CFTR: variants seen among roughly 807,000 people sequenced by gnomAD.
CFTR encodes CF transmembrane conductance regulator.
A neutral mutation model predicts 171.6 loss-of-function variants in CFTR; 181 were observed. The ratio of observed to expected loss-of-function variants is 1.05; its 90% CI spans 0.93 to 1.19. CFTR has a LOEUF of 1.19. Ranked by LOEUF, CFTR falls within the 50% of genes most tolerant of loss-of-function variation. The pLI is 0.00. For missense variants in CFTR, 1,968 were observed against 1,734.7 expected, an observed-to-expected ratio of 1.13 and a Z score of -2.39; for synonymous variants, 583 against 608.0, an observed-to-expected ratio of 0.96 and a Z score of 0.60.
At chr7:117,595,115 G>T in intron 15 of CFTR, 57 bp downstream of exon 15, 3 of 1,447,994 alleles carry the variant, frequency 2.1e-6, no homozygotes, top group Non-Finnish European at 2.9e-6. Context: ...AAGATAGTTT[G>T]GGGATGTATA....
rs546477833 is a variant in CFTR at position 117,532,674 on chromosome 7, G to A, written c.489+1560G>A. ...TATGTAACATTTAGCACAAATACAG[G>A]ATATAGGTGCTTTCAGACCCAGCTG... On this transcript the variant is annotated intron_variant, in intron 4 of 26. Transcript: ENST00000003084. Among the ~76,000 whole-genome samples the A allele has an allele frequency of 1.6e-3, 240 of 152,218 alleles. 2 individuals carry two copies. Among genetic ancestry groups the A allele is most frequent in the African/African-American group, 5.6e-3 (234 of 41,538 alleles).
In CFTR at chr7:117,511,023, A is replaced by C. The variant is rs1584777223; in HGVS notation, c.273+1881A>C. On this transcript the variant is annotated intron_variant, in intron 3 of 26. Coordinates refer to ENST00000003084, the MANE Select transcript of CFTR (RefSeq NM_000492.4). Reference sequence around the variant, plus strand: ...CTCCAAAGCCTTTGACCCTTTCACCATACCAGATTATGATTGCTATTAATA... The same window carrying C: ...CTCCAAAGCCTTTGACCCTTTCACCCTACCAGATTATGATTGCTATTAATA... Among the ~76,000 whole-genome samples the C allele has an allele frequency of 3.3e-5, 5 of 152,224 alleles. No homozygotes were observed. The East Asian group carries it at 9.7e-4, about 29-fold the overall frequency.
At chr7:117,512,292 A>G (rs972280081) in intron 3 of CFTR, among the ~76,000 whole-genome samples, 1 of 152,142 alleles carries the variant, frequency 6.6e-6, no homozygotes, top group African/African-American at 2.4e-5. Context: ...TCTTCATCTG[A>G]CTCAGCAGCC....
At chr7:117,577,664 G>T (rs1452282966) in intron 11 of CFTR, among the ~76,000 whole-genome samples, 1 of 151,988 alleles carries the variant, frequency 6.6e-6, no homozygotes, top group Non-Finnish European at 1.5e-5. Context: ...CATCTAACAA[G>T]AACTTACCAC....
At chr7:117,526,229 C>T (rs1189830259) in intron 3 of CFTR, among the ~76,000 whole-genome samples, 1 of 151,066 alleles carries the variant, frequency 6.6e-6, no homozygotes, top group African/African-American at 2.4e-5. Context: ...CGCTCAACTA[C>T]ATGGAAACTG....
At chr7:117,621,034 G>A (rs34470402) in intron 21 of CFTR, among the ~76,000 whole-genome samples, 7,160 of 152,182 alleles carry the variant, frequency 0.047, 566 homozygotes, top group African/African-American at 0.16. Flanking sequence ...CCCGGGAGAT[G>A]GAGGTTGCAG....
chr7:117,526,130 C>T (rs1798776020), intron 3 of CFTR, among the ~76,000 whole-genome samples: 1 of 151,830 alleles, frequency 6.6e-6, no homozygotes, highest in Non-Finnish European at 1.5e-5. Flanking sequence ...TTTATTTCTC[C>T]TTCACTTATG....
At chr7:117,574,791 A>G (rs1791747755) in intron 11 of CFTR, among the ~76,000 whole-genome samples, 1 of 152,110 alleles carries the variant, frequency 6.6e-6, no homozygotes, top group East Asian at 1.9e-4. Context: ...ATAGTTATCT[A>G]TGAACAATAT....
In CFTR at chr7:117,603,801, G is replaced by T; in HGVS notation, c.2908+19G>T. Reference sequence around the variant, plus strand: ...AAAGCAGGTACTTTACTAGGTCTAAGAAATGAAACTGCTGATCCACCATCA... The same window carrying T: ...AAAGCAGGTACTTTACTAGGTCTAATAAATGAAACTGCTGATCCACCATCA... On this transcript the variant is annotated intron_variant, in intron 17 of 26. Coordinates refer to ENST00000003084, the MANE Select transcript of CFTR (RefSeq NM_000492.4). 1.2e-6 allele frequency: 2 copies of T among 1,612,554 alleles called. No homozygotes were observed. The highest frequency in any genetic ancestry group is 1.7e-6 in the Non-Finnish European group (2 of 1,179,750).
At chr7:117,594,002 T>C (rs915114524) in intron 14 of CFTR, among the ~76,000 whole-genome samples, 2 of 152,236 alleles carry the variant, frequency 1.3e-5, no homozygotes, top group African/African-American at 2.4e-5. Flanking sequence ...TGACTAATAA[T>C]AGTTTCTATT....
At chr7:117,544,116 G>A (rs992220627) in intron 9 of CFTR, among the ~76,000 whole-genome samples, 2 of 151,818 alleles carry the variant, frequency 1.3e-5, no homozygotes, top group Admixed American at 6.6e-5. Context: ...CTGCTTATTC[G>A]AAGAACAATA....
At chr7:117,589,542 G>A (rs1171895695) in intron 12 of CFTR, among the ~76,000 whole-genome samples, 1 of 151,862 alleles carries the variant, frequency 6.6e-6, no homozygotes, top group African/African-American at 2.4e-5. Flanking sequence ...TATTAATATG[G>A]GAACTGTGTC....
At chr7:117,635,959 ACTTT>A (rs778743600) in intron 22 of CFTR, among the ~76,000 whole-genome samples, 5 of 152,114 alleles carry the variant, frequency 3.3e-5, no homozygotes, top group Non-Finnish European at 5.9e-5. Context: ...TCTCTAATAC[ACTTT>A]CTTTCTTTAT....
intron 15 of CFTR, among the ~76,000 whole-genome samples, chr7:117,601,401 A>G (rs1264086449): frequency 2.6e-5 from 4 of 152,136 alleles, no homozygotes; most frequent in East Asian, 1.9e-4. Flanking sequence ...GAAAAATGCC[A>G]TTAGATTTTT....
Position 117,540,228 on chromosome 7 carries a change from T to A in CFTR, c.998T>A (p.Leu333His). The change falls in exon 8 of 27, where the codon CTC becomes CAC. Residue 333 changes from leucine (L) to histidine (H), a missense_variant. By Grantham distance (99) the Leu-to-His change is moderately conservative (BLOSUM62 -3). Transcript: ENST00000003084. The part of the protein sequence containing the change: ...LPYALIKGII[L>H]RKIFTTISFC... ...TATGCACTAATCAAAGGAATCATCC[T>A]CCGGAAAATATTCACCACCATCTCA... 1 of 1,614,148 alleles carries A rather than the reference T, an allele frequency of 6.2e-7. No individual in the cohort carries two copies.
chr7:117,592,254 A>G lies in CFTR; in HGVS notation c.2087A>G (p.Lys696Arg), dbSNP rs397508340. 6.2e-7 allele frequency: 1 copy of G among 1,613,924 alleles called. No individual in the cohort carries two copies. Among genetic ancestry groups the G allele is most frequent in the Non-Finnish European group, 8.5e-7 (1 of 1,180,018 alleles). The change falls in exon 14 of 27, where the codon AAA (lysine) becomes AGA (arginine). Residue 696 changes from lysine (K) to arginine (R), a missense_variant. Transcript: ENST00000003084. ...SFKQTGEFGE[K>R]RKNSILNPIN... ...AAACAGACTGGAGAGTTTGGGGAAA[A>G]AAGGAAGAATTCTATTCTCAATCCA... is the stretch of plus-strand genomic sequence containing the variant.
At chr7:117,659,685 G>A (rs1793236286) in intron 24 of CFTR, among the ~76,000 whole-genome samples, 1 of 152,092 alleles carries the variant, frequency 6.6e-6, no homozygotes, top group South Asian at 2.1e-4. Context: ...AGGCTTTTTG[G>A]GTAATTGTTT....
intron 11 of CFTR, among the ~76,000 whole-genome samples, chr7:117,580,092 A>G (rs1404243648): frequency 6.6e-6 from 1 of 152,062 alleles, no homozygotes; most frequent in Non-Finnish European, 1.5e-5. Flanking sequence ...TCAAGCAGAT[A>G]TAATGATTTC....
chr7:117,572,169 T>C (rs1054878117), intron 11 of CFTR, among the ~76,000 whole-genome samples: 1 of 151,992 alleles, frequency 6.6e-6, no homozygotes, highest in Non-Finnish European at 1.5e-5. Context: ...GTCCAGCTAA[T>C]TTTTGTATTT....
Sources: allele counts gnomAD v4.1 joint callset (sites outside exome capture counted in the v4.1 genomes callset), GRCh38; gene constraint gnomAD v4.1.1; transcripts MANE v1.5; gene names NCBI Gene and HGNC (gene_info 2026-07-23, HGNC 2026-07-21).